Variants in NOL10 observed in about 807,000 individuals in gnomAD.
NOL10 encodes nucleolar protein 10, also known as H_NH0074G24.1.
Under a neutral mutation model 103.5 loss-of-function variants are expected in NOL10, and 58 were observed. The observed-to-expected ratio is 0.56, with a 90% CI of 0.45 to 0.70. The LOEUF (loss-of-function observed/expected upper bound fraction) is 0.70. NOL10 is among the 30% of genes least tolerant of loss of function. NOL10 has a pLI of 0.00. For missense variants in NOL10, 763 were observed against 807.3 expected (o/e 0.95, Z 0.67); for synonymous variants, 287 against 282.5 (o/e 1.02, Z -0.16).
intron 17 of NOL10, among the ~76,000 whole-genome samples, chr2:10,594,243 A>G (rs186756713): frequency 1.7e-3 from 258 of 152,266 alleles, no homozygotes; most frequent in African/African-American, 5.8e-3. Context: ...CAACTTCCCG[A>G]GGAAAAGCAG....
At position 10,572,038 on chromosome 2, in the gene NOL10, C is replaced by T. The variant is rs1182237943; in HGVS notation, c.*33G>A. On this transcript the variant is annotated 3_prime_UTR_variant, in exon 21 of 21. Coordinates refer to ENST00000381685, the MANE Select transcript of NOL10 (RefSeq NM_024894.4). ...ATGATCAGTTTGGGGGAGACGTACC[C>T]CTCCCTAATCACAGGTAGGACCACT... 1.2e-6 allele frequency: 2 copies of T among 1,611,458 alleles called. No homozygotes were observed. Among genetic ancestry groups the T allele is most frequent in the Non-Finnish European group, 1.7e-6 (2 of 1,178,844 alleles).
At chr2:10,620,789 GA>G (rs1289115450) in intron 13 of NOL10, among the ~76,000 whole-genome samples, 1 of 152,080 alleles carries the variant, frequency 6.6e-6, no homozygotes, top group African/African-American at 2.4e-5. Context: ...ATATACTGTT[GA>G]TTTTTGTTGT....
intron 13 of NOL10, chr2:10,634,506 T>G (rs747954436): frequency 2.2e-6 from 1 of 456,498 alleles, no homozygotes; most frequent in African/African-American, 2.0e-5. Context: ...GACATCCAAG[T>G]GGAGAAGCCG....
At chr2:10,590,993 A>G (rs1409244478) in intron 17 of NOL10, 1 of 152,228 alleles carries the variant, frequency 6.6e-6, no homozygotes, top group Non-Finnish European at 1.5e-5. Flanking sequence ...TCCACTGTTG[A>G]GAGTAAACAA....
At chr2:10,664,892 A>G (rs1037231102) in intron 8 of NOL10, among the ~76,000 whole-genome samples, 1 of 151,702 alleles carries the variant, frequency 6.6e-6, no homozygotes, top group Non-Finnish European at 1.5e-5. Context: ...GAGGATACAC[A>G]GCAAATTATT....
At position 10,572,194 on chromosome 2, in the gene NOL10, A is replaced by C. The variant is rs775793856; in HGVS notation, c.1948-4T>G. 6 of 1,613,570 alleles carry C rather than the reference A, an allele frequency of 3.7e-6. No individual in the cohort carries two copies. Among genetic ancestry groups the C allele is most frequent in the Non-Finnish European group, 5.1e-6 (6 of 1,179,814 alleles). ...GTTGCTTCTTCTGCTGTTCAGACTA[A>C]AAGAGAAAATGAAATGAGTAGAGGG... On this transcript the variant is annotated splice_region_variant and splice_polypyrimidine_tract_variant and intron_variant, in intron 20 of 20. Transcript: ENST00000381685.
intron 14 of NOL10, chr2:10,604,837 T>C (rs965940585): frequency 6.6e-6 from 1 of 152,212 alleles, no homozygotes; most frequent in Admixed American, 6.5e-5. Flanking sequence ...AAAAAAGGGC[T>C]CCATGGTCAA....
chr2:10,669,390 G>C (rs115591000), intron 6 of NOL10, among the ~76,000 whole-genome samples: 30,470 of 148,972 alleles, frequency 0.2, 4,117 homozygotes, highest in Non-Finnish European at 0.3. Context: ...TGCCCAGCCT[G>C]AATTTTTTCT....
At chr2:10,610,204 T>A (rs1244052390) in intron 13 of NOL10, among the ~76,000 whole-genome samples, 1 of 152,196 alleles carries the variant, frequency 6.6e-6, no homozygotes, top group East Asian at 1.9e-4. Flanking sequence ...TTTAAATCAA[T>A]CATAAACATG....
chr2:10,574,491 C>T (rs1657535496), intron 20 of NOL10, among the ~76,000 whole-genome samples: 2 of 151,964 alleles, frequency 1.3e-5, no homozygotes, highest in South Asian at 2.1e-4. Context: ...ACTAAAAATA[C>T]AAAAAATTAG....
At chr2:10,665,275 T>C (rs115439424) in intron 8 of NOL10, among the ~76,000 whole-genome samples, 5,240 of 152,300 alleles carry the variant, frequency 0.034, 176 homozygotes, top group African/African-American at 0.084. Flanking sequence ...AAAATGGGTA[T>C]GCAGATAACT....
chr2:10,684,541 C>A, intron 2 of NOL10, 26 bp downstream of exon 2: 2 of 1,550,640 alleles, frequency 1.3e-6, no homozygotes, highest in Non-Finnish European at 8.7e-7. Flanking sequence ...ACTAACGCAG[C>A]TGAAGTGGGA....
At chr2:10,631,738 G>A (rs1054700622) in intron 13 of NOL10, among the ~76,000 whole-genome samples, 4 of 148,880 alleles carry the variant, frequency 2.7e-5, no homozygotes, top group African/African-American at 9.8e-5. Flanking sequence ...TTTTTTAGAT[G>A]GAGTTTCGCT....
chr2:10,584,069 C>T (rs1313416598), intron 19 of NOL10, among the ~76,000 whole-genome samples: 5 of 152,188 alleles, frequency 3.3e-5, no homozygotes, highest in East Asian at 1.9e-4. Context: ...CCCAACCCTT[C>T]GCATGGCCTG....
intron 12 of NOL10, among the ~76,000 whole-genome samples, chr2:10,651,011 T>C (rs1005001940): frequency 3.3e-5 from 5 of 152,146 alleles, no homozygotes; most frequent in Admixed American, 3.3e-4. Context: ...AAGAGGCTTC[T>C]TTGCCAAGTA....
At chr2:10,607,619 A>G (rs1219788891) in intron 13 of NOL10, among the ~76,000 whole-genome samples, 1 of 152,062 alleles carries the variant, frequency 6.6e-6, no homozygotes. Context: ...AATAACATCC[A>G]TCCATTCATG....
At chr2:10,638,316 A>G (rs1416854721) in intron 13 of NOL10, among the ~76,000 whole-genome samples, 1 of 127,140 alleles carries the variant, frequency 7.9e-6, no homozygotes, top group Non-Finnish European at 1.5e-5. Flanking sequence ...ACGTGACGTG[A>G]CGTGACGTGA....
intron 11 of NOL10, among the ~76,000 whole-genome samples, chr2:10,655,651 T>C (rs1679798351): frequency 6.6e-6 from 1 of 152,104 alleles, no homozygotes; most frequent in African/African-American, 2.4e-5. Flanking sequence ...TGGGTGTTAG[T>C]CAAGAGGAAG....
intron 13 of NOL10, among the ~76,000 whole-genome samples, chr2:10,616,524 T>C (rs10929688): frequency 0.59 from 89,508 of 151,240 alleles, 27,471 homozygotes; most frequent in African/African-American, 0.74. Context: ...CTGGCCCCAG[T>C]TGGCATTTTA....
Sources: allele counts gnomAD v4.1 joint callset (sites outside exome capture counted in the v4.1 genomes callset), GRCh38; gene constraint gnomAD v4.1.1; transcripts MANE v1.5; gene names NCBI Gene and HGNC (gene_info 2026-07-23, HGNC 2026-07-21).